The following ADAMTS9 variants were observed in gnomAD, a reference collection of about 807,000 sequenced individuals.
ADAMTS9 encodes A disintegrin and metalloproteinase with thrombospondin motifs 9.
A neutral mutation model predicts 257.1 loss-of-function variants in ADAMTS9; 107 were observed. That is an observed-to-expected ratio of 0.42 (90% CI 0.36 to 0.49). The LOEUF is 0.49. ADAMTS9 is among the 20% of genes least tolerant of loss of function. ADAMTS9 has a pLI of 0.03. For missense variants in ADAMTS9, 2,353 were observed against 2,469.1 expected (o/e 0.95, Z 1.00); for synonymous variants, 982 against 880.9 (o/e 1.11, Z -2.03).
Position 64,521,273 on chromosome 3 carries a change from C to G in ADAMTS9, c.*5+893G>C, listed in dbSNP as rs149434935. On this transcript the variant is annotated intron_variant, in intron 39 of 39. Coordinates refer to ENST00000498707, the MANE Select transcript of ADAMTS9 (RefSeq NM_182920.2). The stretch of plus-strand genomic sequence containing the variant: ...TAACATCTCATGCCAATCAGAATGG[C>G]GATTCTTAAAAAGTAAAAAGATAAC... 1.7e-3 allele frequency among the ~76,000 whole-genome samples: 264 copies of G among 152,026 alleles called. 1 individual carries two copies. Among genetic ancestry groups the G allele is most frequent in the African/African-American group, 6.1e-3 (251 of 41,474 alleles).
Position 64,524,229 on chromosome 3 carries a change from T to A in ADAMTS9, c.5719-1969A>T, listed in dbSNP as rs76984407. 1.1e-4 allele frequency among the ~76,000 whole-genome samples: 17 copies of A among 152,354 alleles called. No individual in the cohort carries two copies. The East Asian group carries it at 3.1e-3, about 28-fold the overall frequency. On this transcript the variant is annotated intron_variant, in intron 38 of 39. Coordinates refer to ENST00000498707, the MANE Select transcript of ADAMTS9 (RefSeq NM_182920.2). ...CAAAGGAAATCTTTTTATGTCAAAA[T>A]CCATTTAACTAGCAATTGAGGAGCT... is the stretch of plus-strand genomic sequence containing the variant.
intron 23 of ADAMTS9, among the ~76,000 whole-genome samples, chr3:64,605,247 G>T (rs886876549): frequency 6.6e-6 from 1 of 152,130 alleles, no homozygotes; most frequent in African/African-American, 2.4e-5. Context: ...TAGTCAAATG[G>T]ATATAATAGA....
intron 30 of ADAMTS9, among the ~76,000 whole-genome samples, chr3:64,559,087 G>A (rs975421758): frequency 3.3e-5 from 5 of 152,198 alleles, no homozygotes; most frequent in South Asian, 4.1e-4. Flanking sequence ...GAACAAGGGC[G>A]CTTTTGATCA....
rs2084430796 is a variant in ADAMTS9 at position 64,600,057 on chromosome 3, T to TA, written c.4017+1886_4017+1887insT. Reference sequence around the variant, plus strand: ...ACTTGAGTCAGTTTCTGTTCTTTTTTTTTTTTTTTTTTTTGCAAAACTCCT... The same window carrying TA: ...ACTTGAGTCAGTTTCTGTTCTTTTTTATTTTTTTTTTTTTTGCAAAACTCCT... On this transcript the variant is annotated intron_variant, in intron 26 of 39. Transcript: ENST00000498707. 2.0e-5 allele frequency among the ~76,000 whole-genome samples: 3 copies of TA among 149,514 alleles called. No homozygotes were observed. The South Asian group carries it at 6.5e-4, about 32-fold the overall frequency.
intron 31 of ADAMTS9, among the ~76,000 whole-genome samples, chr3:64,548,205 G>A (rs893887262): frequency 3.3e-5 from 5 of 152,102 alleles, no homozygotes; most frequent in Non-Finnish European, 5.9e-5. Context: ...ACTTTTCCAG[G>A]GAAAAGGCTC....
At chr3:64,573,092 A>G (rs1422643702) in intron 28 of ADAMTS9, among the ~76,000 whole-genome samples, 4 of 145,980 alleles carry the variant, frequency 2.7e-5, no homozygotes, top group Admixed American at 6.7e-5. Flanking sequence ...AAAAAAAAAA[A>G]AAAAAAATGG....
At chr3:64,531,808 G>A (rs962164506) in intron 38 of ADAMTS9, among the ~76,000 whole-genome samples, 2 of 152,216 alleles carry the variant, frequency 1.3e-5, no homozygotes, top group East Asian at 3.9e-4. Context: ...TCTCTTCTTT[G>A]TCTTCCCCTA....
chr3:64,532,646 G>A (rs1022377190), intron 38 of ADAMTS9, among the ~76,000 whole-genome samples: 15 of 152,106 alleles, frequency 9.9e-5, no homozygotes, highest in South Asian at 2.1e-4. Flanking sequence ...GATGCACTGC[G>A]TAGACCACAC....
At chr3:64,621,378 T>A in intron 18 of ADAMTS9, 138 bp from the exon 19 acceptor site, 1 of 1,037,494 alleles carries the variant, frequency 9.6e-7, no homozygotes, top group Non-Finnish European at 1.4e-6. Context: ...GTTGCACTAT[T>A]CAACCCTGAC....
chr3:64,658,827 G>C, intron 3 of ADAMTS9, 36 bp from the exon 4 acceptor site: 1 of 1,561,256 alleles, frequency 6.4e-7, no homozygotes, highest in Non-Finnish European at 8.7e-7. Flanking sequence ...TACATTTCAA[G>C]CCACATCTAT....
At chr3:64,561,494 T>C in intron 30 of ADAMTS9, 84 bp downstream of exon 30, 1 of 1,453,598 alleles carries the variant, frequency 6.9e-7, no homozygotes, top group Non-Finnish European at 9.3e-7. Context: ...GTGACTTCTC[T>C]GGCTTTATAG....
chr3:64,664,093 AAGG>A, intron 3 of ADAMTS9, among the ~76,000 whole-genome samples: 1 of 152,248 alleles, frequency 6.6e-6, no homozygotes. Flanking sequence ...TATAATGCTA[AAGG>A]AGGAATAGAG....
intron 3 of ADAMTS9, 58 bp downstream of exon 3, chr3:64,681,143 T>C: frequency 6.4e-7 from 1 of 1,559,426 alleles, no homozygotes. Context: ...ATCTCTGTAG[T>C]ATAGCAATTT....
rs1354713725 is a variant in ADAMTS9 at position 64,607,025 on chromosome 3, C to T, written c.3409G>A (p.Gly1137Arg). ...YQLRAVKCIIGTYMSVVDDND... is the reference protein window; with the variant it reads ...YQLRAVKCIIRTYMSVVDDND... ...TCATCTACCACTGACATATAAGTCC[C>T]AATGATGCATTTCACTGCTCTTAGC... The change falls in exon 23 of 40, where the codon GGG (glycine) becomes AGG (arginine). Residue 1137 changes from glycine (G) to arginine (R), a missense_variant. Gly to Arg is a moderately radical substitution (Grantham distance 125). This residue lies in a region of ADAMTS9 where 1,402 missense variants were observed against 1,441.4 expected (regional missense o/e 0.97). Transcript: ENST00000498707. 2.5e-6 allele frequency: 4 copies of T among 1,613,904 alleles called. No homozygotes were observed. Among genetic ancestry groups the T allele is most frequent in the Non-Finnish European group, 3.4e-6 (4 of 1,179,836 alleles).
intron 11 of ADAMTS9, among the ~76,000 whole-genome samples, chr3:64,642,500 G>A (rs1700674498): frequency 6.6e-6 from 1 of 152,228 alleles, no homozygotes; most frequent in Admixed American, 6.5e-5. Context: ...GAAAGCGTCA[G>A]GATGAGACGA....
chr3:64,598,644 A>T (rs891110097), intron 26 of ADAMTS9, among the ~76,000 whole-genome samples: 1 of 152,128 alleles, frequency 6.6e-6, no homozygotes, highest in East Asian at 1.9e-4. Flanking sequence ...CCTACTTTTA[A>T]GCAGCTTAGT....
chr3:64,567,527 G>A (rs2083574106), intron 29 of ADAMTS9, among the ~76,000 whole-genome samples: 1 of 152,128 alleles, frequency 6.6e-6, no homozygotes, highest in Non-Finnish European at 1.5e-5. Flanking sequence ...TCTACTCTAA[G>A]GATTTGATAT....
At chr3:64,595,990 C>G (rs1234776514) in intron 27 of ADAMTS9, among the ~76,000 whole-genome samples, 1 of 152,148 alleles carries the variant, frequency 6.6e-6, no homozygotes, top group Admixed American at 6.6e-5. Context: ...AATAAGGGCT[C>G]AAACCCCCAC....
intron 22 of ADAMTS9, among the ~76,000 whole-genome samples, chr3:64,610,802 C>G (rs1219216113): frequency 1.3e-5 from 2 of 152,034 alleles, no homozygotes; most frequent in African/African-American, 4.8e-5. Context: ...CAGAGCCGGG[C>G]ACGGTGTCTT....
Sources: gnomAD v4.1 joint callset for allele counts (sites outside exome capture counted in the v4.1 genomes callset) on GRCh38, gnomAD v4.1.1 for gene constraint, gnomAD v4.1.1 regional missense constraint, MANE v1.5 for transcripts, NCBI Gene and HGNC (gene_info 2026-07-23, HGNC 2026-07-21) for gene names.